Variants in WDPCP observed in about 807,000 individuals in gnomAD.
The protein encoded by WDPCP is WD repeat containing planar cell polarity effector.
A neutral mutation model predicts 93.1 loss-of-function variants in WDPCP; 71 were observed. The observed-to-expected ratio is 0.76, with a 90% CI of 0.63 to 0.93. The LOEUF is 0.93. Among genes scored for constraint, WDPCP ranks in the 40% least tolerant of loss-of-function variants. WDPCP has a pLI of 0.00. For missense variants in WDPCP, 844 were observed against 887.4 expected (o/e 0.95, Z 0.62); for synonymous variants, 315 against 315.0 (o/e 1.00, Z 0.00).
intron 2 of WDPCP, among the ~76,000 whole-genome samples, chr2:63,704,531 C>T (rs189429848): frequency 1.7e-4 from 26 of 152,224 alleles, no homozygotes; most frequent in Admixed American, 4.6e-4. Flanking sequence ...TTGTCAGAGG[C>T]CTTTTCTGCA....
chr2:63,236,046 CTCTT>C (rs1435880025), intron 14 of WDPCP, among the ~76,000 whole-genome samples: 1 of 152,168 alleles, frequency 6.6e-6, no homozygotes, highest in Admixed American at 6.6e-5. Flanking sequence ...CAAATTATCT[CTCTT>C]TGCTGATAAT....
At chr2:63,213,098 G>T (rs1052910048) in intron 14 of WDPCP, among the ~76,000 whole-genome samples, 1 of 152,136 alleles carries the variant, frequency 6.6e-6, no homozygotes, top group Non-Finnish European at 1.5e-5. Context: ...TCCAGGAATT[G>T]AACTCAATTC....
At chr2:63,509,627 CAG>C in intron 1 of WDPCP, among the ~76,000 whole-genome samples, 1 of 152,142 alleles carries the variant, frequency 6.6e-6, no homozygotes, top group East Asian at 1.9e-4. Flanking sequence ...TTCAAAAAAT[CAG>C]TGAATCCAGG....
intron 2 of WDPCP, among the ~76,000 whole-genome samples, chr2:63,489,250 T>C (rs2105929182): frequency 6.6e-6 from 1 of 152,014 alleles, no homozygotes; most frequent in South Asian, 2.1e-4. Flanking sequence ...TCCCACTGTC[T>C]GAGAAGAAAA....
At chr2:63,259,083 T>C (rs1051334368) in intron 14 of WDPCP, among the ~76,000 whole-genome samples, 1 of 152,238 alleles carries the variant, frequency 6.6e-6, no homozygotes, top group African/African-American at 2.4e-5. Flanking sequence ...TTTTGCTAAA[T>C]GATGACTATA....
In WDPCP at chr2:63,575,490, GTATATACAGTATATA is replaced by G. The variant is rs1558833270; in HGVS notation, c.75+12692_75+12706del. Among the ~76,000 whole-genome samples, 661 of 90,802 alleles carry G rather than the reference GTATATACAGTATATA, an allele frequency of 7.3e-3. 69 individuals carry two copies. The highest frequency in any genetic ancestry group is 0.029 in the Middle Eastern group (3 of 102). The allele number at this position is 90,802 out of a possible 152,430, so 59.6% of individuals were successfully genotyped here. ...ATGCAGTATATACAGTGTATATATA[GTATATACAGTATATA>G]CACTGTATATATAGTATATACAGTA... On this transcript the variant is annotated intron_variant, in intron 1 of 17. Transcript: ENST00000272321.
intron 1 of WDPCP, among the ~76,000 whole-genome samples, chr2:63,557,432 A>G (rs1159126846): frequency 3.3e-5 from 5 of 152,222 alleles, no homozygotes; most frequent in African/African-American, 1.2e-4. Flanking sequence ...ACATAATGGT[A>G]AAGGGTTGAA....
intron 6 of WDPCP, among the ~76,000 whole-genome samples, chr2:63,445,579 G>A (rs1697802152): frequency 6.6e-6 from 1 of 152,010 alleles, no homozygotes; most frequent in African/African-American, 2.4e-5. Context: ...AATTTGGTAG[G>A]ACAAAAAAGA....
chr2:63,749,893 C>T (rs1382112077), intron 2 of WDPCP, among the ~76,000 whole-genome samples: 1 of 152,052 alleles, frequency 6.6e-6, no homozygotes, highest in Non-Finnish European at 1.5e-5. Flanking sequence ...ATCCTATAGT[C>T]TTGCTGTTAT....
chr2:63,470,742 C>A (rs1699641342), intron 6 of WDPCP, among the ~76,000 whole-genome samples: 1 of 152,146 alleles, frequency 6.6e-6, no homozygotes. Context: ...AAAGCCAAGC[C>A]CTCTGGATGA....
At chr2:63,470,766 T>A (rs1325939065) in intron 6 of WDPCP, among the ~76,000 whole-genome samples, 1 of 152,210 alleles carries the variant, frequency 6.6e-6, no homozygotes. Context: ...AGAAGACATA[T>A]AACTAGTGTC....
intron 9 of WDPCP, among the ~76,000 whole-genome samples, chr2:63,406,876 G>A (rs1402042965): frequency 6.6e-6 from 1 of 152,116 alleles, no homozygotes; most frequent in Non-Finnish European, 1.5e-5. Context: ...GGCTTCAGGG[G>A]AGAAAGGTGG....
chr2:63,445,081 A>C (rs1484452829), intron 6 of WDPCP, among the ~76,000 whole-genome samples: 2 of 152,198 alleles, frequency 1.3e-5, no homozygotes, highest in Non-Finnish European at 2.9e-5. Flanking sequence ...AAATGAGAAA[A>C]TTATATCAGA....
At chr2:63,819,061 A>G (rs937627538) in intron 1 of WDPCP, among the ~76,000 whole-genome samples, 2 of 152,210 alleles carry the variant, frequency 1.3e-5, no homozygotes, top group African/African-American at 4.8e-5. Flanking sequence ...TGTTTTCTCC[A>G]TATATCACAG....
At chr2:63,510,193 G>A (rs1398995166) in intron 1 of WDPCP, among the ~76,000 whole-genome samples, 1 of 152,162 alleles carries the variant, frequency 6.6e-6, no homozygotes, top group Non-Finnish European at 1.5e-5. Flanking sequence ...ACAAATACTG[G>A]CAAACCGAAT....
chr2:63,664,596 G>T (rs1299697006), intron 2 of WDPCP, among the ~76,000 whole-genome samples: 1 of 152,198 alleles, frequency 6.6e-6, no homozygotes, highest in Non-Finnish European at 1.5e-5. Flanking sequence ...ATGACTAGCA[G>T]TCTATCGTCT....
intron 1 of WDPCP, among the ~76,000 whole-genome samples, chr2:63,544,776 A>T (rs574531602): frequency 2.0e-5 from 3 of 152,294 alleles, no homozygotes; most frequent in East Asian, 3.9e-4. Flanking sequence ...TAGATTTTTT[A>T]AAATTAATGT....
chr2:63,336,888 A>G lies in WDPCP; in HGVS notation c.1749-23577T>C, dbSNP rs1050048442. 2.2e-5 allele frequency among the ~76,000 whole-genome samples: 3 copies of G among 135,138 alleles called. No homozygotes were observed. The South Asian group carries it at 7.1e-4, about 32-fold the overall frequency. The allele number at this position is 135,138 out of a possible 152,430, so 88.7% of individuals were successfully genotyped here. A position where few individuals can be genotyped will look rare whatever the true frequency, so the allele number is the denominator to read the frequency against. On this transcript the variant is annotated intron_variant, in intron 12 of 17. Transcript: ENST00000272321. ...CACCAGTCTACTCTCTATCTTCATGAGAGTCACTTTTTTTTTTTTTTTTTG... is the reference window on the plus strand; with the variant it reads ...CACCAGTCTACTCTCTATCTTCATGGGAGTCACTTTTTTTTTTTTTTTTTG...
At chr2:63,265,842 G>A (rs928647734) in intron 13 of WDPCP, among the ~76,000 whole-genome samples, 17 of 152,212 alleles carry the variant, frequency 1.1e-4, no homozygotes, top group South Asian at 4.1e-4. Context: ...TCCCAGAAAC[G>A]CAAGTATGGT....
Sources: gnomAD v4.1 joint callset for allele counts (sites outside exome capture counted in the v4.1 genomes callset) on GRCh38, gnomAD v4.1.1 for gene constraint, MANE v1.5 for transcripts, NCBI Gene and HGNC (gene_info 2026-07-23, HGNC 2026-07-21) for gene names.